The following AGO1 variants were observed in gnomAD, a reference collection of about 807,000 sequenced individuals.
The protein encoded by AGO1 is protein argonaute-1.
AGO1 carries 11 observed loss-of-function variants against 109.2 expected under a neutral mutation model. The ratio of observed to expected loss-of-function variants is 0.10; its 90% CI spans 0.06 to 0.17. AGO1 has a LOEUF of 0.17. Ranked by LOEUF, AGO1 falls within the 10% of genes least tolerant of loss-of-function variation. AGO1 has a pLI of 1.00. For synonymous variants in AGO1, 422 were observed against 418.6 expected, an observed-to-expected ratio of 1.01 and a Z score of -0.10; for missense variants, 574 against 1,140.3, an observed-to-expected ratio of 0.50 and a Z score of 7.15.
intron 12 of AGO1, among the ~76,000 whole-genome samples, chr1:35,911,097 G>A (rs1032626556): frequency 6.6e-6 from 1 of 152,056 alleles, no homozygotes; most frequent in Non-Finnish European, 1.5e-5. Context: ...TAATGCTTCA[G>A]TGAACACTCT....
At chr1:35,896,513 A>G (rs1571352007) in intron 8 of AGO1, among the ~76,000 whole-genome samples, 1 of 152,134 alleles carries the variant, frequency 6.6e-6, no homozygotes, top group Non-Finnish European at 1.5e-5. Context: ...GGTGTGCGCC[A>G]CCGTGCCCAG....
Position 35,919,832 on chromosome 1 carries a change from C to T in AGO1, c.*225C>T. On this transcript the variant is annotated 3_prime_UTR_variant, in exon 19 of 19. Transcript: ENST00000373204. The surrounding 1 kb of genome is among the most constrained non-coding windows in gnomAD (Gnocchi z 6.6). Reference sequence around the variant, plus strand: ...CAACCTCATGTCCCCCACCCCTCACCCCATCTTGTCACATCTGGCCCTGAC... The same window carrying T: ...CAACCTCATGTCCCCCACCCCTCACTCCATCTTGTCACATCTGGCCCTGAC... 1.8e-6 allele frequency: 1 copy of T among 543,174 alleles called. No homozygotes were observed. Among genetic ancestry groups the T allele is most frequent in the Non-Finnish European group, 3.3e-6 (1 of 303,312 alleles). The allele number at this position is 543,174 out of a possible 1,614,324, so 33.6% of individuals were successfully genotyped here. A position where few individuals can be genotyped will look rare whatever the true frequency, so the allele number is the denominator to read the frequency against.
In AGO1 at chr1:35,901,380, G is replaced by A; in HGVS notation, c.1021-94G>A. ...GGATTTTGCAGTTCCCTTCCCCATG[G>A]CTGACAGCCAAGGTATCTTTCCTTA... On this transcript the variant is annotated intron_variant, in intron 8 of 18. Transcript: ENST00000373204. This position sits in a 1 kb window ranked among gnomAD's most constrained non-coding sequence, Gnocchi z 4.8. 6.5e-7 allele frequency: 1 copy of A among 1,547,682 alleles called. No homozygotes were observed. Among genetic ancestry groups the A allele is most frequent in the South Asian group, 1.2e-5 (1 of 85,020 alleles).
chr1:35,903,247 C>G (rs759259402), intron 11 of AGO1, among the ~76,000 whole-genome samples: 7 of 151,682 alleles, frequency 4.6e-5, no homozygotes, highest in Non-Finnish European at 8.8e-5. Context: ...ACCTCGTGAT[C>G]CTCCTGCTTC....
At position 35,922,597 on chromosome 1, in the gene AGO1, GGCCTGCCT is replaced by G. The variant is rs372821782; in HGVS notation, c.*3016_*3023del. ...TATTCACTCTGCTTGCTTGCTGGCC[GGCCTGCCT>G]GCCTGCCTGCCTGCCTGCCTGCCTG... On this transcript the variant is annotated 3_prime_UTR_variant, in exon 19 of 19. Transcript: ENST00000373204. The G allele has an allele frequency of 4.2e-4, 65 of 153,082 alleles. No individual in the cohort carries two copies. The highest frequency in any genetic ancestry group is 1.2e-3 in the African/African-American group (50 of 41,354). 9.5% of individuals were successfully genotyped at this position (153,082 alleles called of 1,614,324 possible). A position where few individuals can be genotyped will look rare whatever the true frequency, so the allele number is the denominator to read the frequency against.
chr1:35,875,901 T>C (rs183120749), intron 1 of AGO1, among the ~76,000 whole-genome samples: 2 of 152,310 alleles, frequency 1.3e-5, no homozygotes, highest in Admixed American at 1.3e-4. Flanking sequence ...GATCAAGGAG[T>C]AATTTCAACT....
Position 35,919,601 on chromosome 1 carries a change from C to T in AGO1, c.2568C>T (p.Phe856=), listed in dbSNP as rs764523718. The change falls in exon 19 of 19, where the codon TTC becomes TTT. Residue 856 remains phenylalanine, a synonymous_variant. Transcript: ENST00000373204. This position sits in a 1 kb window ranked among gnomAD's most constrained non-coding sequence, Gnocchi z 6.6. Reference sequence around the variant, plus strand: ...AGGATACTCTGCGCACCATGTACTTCGCTTGAAGGCAGAACGCTGTTACCT... The same window carrying T: ...AGGATACTCTGCGCACCATGTACTTTGCTTGAAGGCAGAACGCTGTTACCT... The part of the protein sequence containing the change: ...VHQDTLRTMY[F]A 9 of 1,613,220 alleles carry T rather than the reference C, an allele frequency of 5.6e-6. No homozygotes were observed. The highest frequency in any genetic ancestry group is 1.7e-5 in the Admixed American group (1 of 59,964).
rs570618947 is a variant in AGO1, at chr1:35,905,179, C to T, written c.1398-1756C>T. 7.9e-5 allele frequency among the ~76,000 whole-genome samples: 12 copies of T among 152,114 alleles called. No individual in the cohort carries two copies. In the South Asian group the frequency reaches 1.9e-3, roughly 24 times the overall value. ...TAACGTCTTTCCTTGAAGTTGAGAC[C>T]CACTATTCATGAAATCTGGTAACAT... On this transcript the variant is annotated intron_variant, in intron 11 of 18. Coordinates refer to ENST00000373204, the MANE Select transcript of AGO1 (RefSeq NM_012199.5).
At chr1:35,883,056 T>C (rs1645053802), upstream of AGO1, among the ~76,000 whole-genome samples, 1 of 152,218 alleles carries the variant, frequency 6.6e-6, no homozygotes, top group East Asian at 1.9e-4. The surrounding 1 kb of genome is among the most constrained non-coding windows in gnomAD (Gnocchi z 5.4). Context: ...ACTGGCGCCC[T>C]CCCGCCGGGC....
In AGO1 at chr1:35,915,329, C is replaced by T. The variant is rs374079991; in HGVS notation, c.1834-19C>T. 8.1e-6 allele frequency: 13 copies of T among 1,607,452 alleles called. No individual in the cohort carries two copies. The highest frequency in any genetic ancestry group is 1.1e-5 in the Non-Finnish European group (13 of 1,174,454). ...AAGGTGAAGGTTCTAGGAGCTAATC[C>T]TTTCTCTCTGACTGTCAGGTGGTAG... On this transcript the variant is annotated intron_variant, in intron 14 of 18. Coordinates refer to ENST00000373204, the MANE Select transcript of AGO1 (RefSeq NM_012199.5).
At chr1:35,900,493 G>A (rs564121320) in intron 8 of AGO1, among the ~76,000 whole-genome samples, 4 of 151,800 alleles carry the variant, frequency 2.6e-5, no homozygotes, top group African/African-American at 4.8e-5. Flanking sequence ...TTTGGGAGGC[G>A]GAGGTGGGTG....
intron 16 of AGO1, 60 bp from the exon 17 acceptor site, chr1:35,918,262 C>G: frequency 1.5e-6 from 2 of 1,348,818 alleles, no homozygotes; most frequent in Non-Finnish European, 2.1e-6. Context: ...AGAATTGAGC[C>G]AGGGTCCTGG....
chr1:35,891,033 A>G (rs956853881), intron 2 of AGO1, among the ~76,000 whole-genome samples: 3 of 152,292 alleles, frequency 2.0e-5, no homozygotes, highest in East Asian at 1.9e-4. Flanking sequence ...GCCTTTTTCA[A>G]TATTAGAGCT....
chr1:35,873,997 GTC>G (rs1419916483), intron 1 of AGO1, among the ~76,000 whole-genome samples: 1 of 152,096 alleles, frequency 6.6e-6, no homozygotes, highest in Non-Finnish European at 1.5e-5. Flanking sequence ...CTCAAATTGT[GTC>G]TTTCTCACAT....
At chr1:35,875,824 G>A (rs1644988339) in intron 1 of AGO1, among the ~76,000 whole-genome samples, 2 of 152,180 alleles carry the variant, frequency 1.3e-5, no homozygotes, top group Admixed American at 1.3e-4. Flanking sequence ...GAGCTCTGAT[G>A]GAGTTGTACA....
chr1:35,898,456 C>T (rs137962177), intron 8 of AGO1, among the ~76,000 whole-genome samples: 2,006 of 152,174 alleles, frequency 0.013, 13 homozygotes, highest in Non-Finnish European at 0.022. Flanking sequence ...TGGGGTTTCA[C>T]GGTGTTAGCC....
chr1:35,876,464 T>C (rs766843856), intron 1 of AGO1, among the ~76,000 whole-genome samples: 24 of 152,068 alleles, frequency 1.6e-4, no homozygotes, highest in African/African-American at 4.6e-4. Context: ...GACTGGGTTT[T>C]ACCGTGTTAG....
intron 1 of AGO1, among the ~76,000 whole-genome samples, chr1:35,872,964 G>A (rs1027612363): frequency 2.9e-4 from 44 of 151,698 alleles, no homozygotes; most frequent in Non-Finnish European, 5.9e-4. Context: ...ATTTTTCCCA[G>A]GCTGGTCTTG....
At chr1:35,874,197 T>G (rs1305907814) in intron 1 of AGO1, among the ~76,000 whole-genome samples, 2 of 152,320 alleles carry the variant, frequency 1.3e-5, no homozygotes, top group Non-Finnish European at 2.9e-5. Flanking sequence ...CAGGGTCTCA[T>G]TCTGTCACCG....
Sources: allele counts gnomAD v4.1 joint callset (sites outside exome capture counted in the v4.1 genomes callset), GRCh38; gene constraint gnomAD v4.1.1; non-coding constraint Gnocchi (gnomAD v3.1); transcripts MANE v1.5; gene names NCBI Gene and HGNC (gene_info 2026-07-23, HGNC 2026-07-21).